CNTN5: variants seen among roughly 807,000 people sequenced by gnomAD.
CNTN5 encodes the protein contactin 5.
CNTN5 carries 77 observed loss-of-function variants against 129.1 expected under a neutral mutation model. That is an observed-to-expected ratio of 0.60 (90% CI 0.50 to 0.72). The LOEUF (loss-of-function observed/expected upper bound fraction) is 0.72, where lower values mean the gene tolerates loss of function less well. Ranked by LOEUF, CNTN5 falls within the 30% of genes least tolerant of loss-of-function variation. The pLI is 0.00. For missense variants in CNTN5, 1,478 were observed against 1,328.8 expected (o/e 1.11, Z -1.75); for synonymous variants, 509 against 465.6 (o/e 1.09, Z -1.20).
chr11:99,781,237 C>A (rs908683039), intron 3 of CNTN5, among the ~76,000 whole-genome samples: 1 of 151,856 alleles, frequency 6.6e-6, no homozygotes. Context: ...TGTTGCAGTC[C>A]CCACACAAGG....
chr11:99,480,058 G>T (rs78636348), intron 2 of CNTN5, among the ~76,000 whole-genome samples: 2 of 152,122 alleles, frequency 1.3e-5, no homozygotes, highest in African/African-American at 2.4e-5. Context: ...TGGCATTTAA[G>T]GTTGTTGCTA....
At chr11:99,289,391 A>G (rs569802061) in intron 1 of CNTN5, among the ~76,000 whole-genome samples, 9 of 151,942 alleles carry the variant, frequency 5.9e-5, no homozygotes, top group African/African-American at 2.2e-4. Context: ...GTCATCTCAA[A>G]TGGAAGATCA....
chr11:99,290,507 A>G (rs1034065413), intron 1 of CNTN5, among the ~76,000 whole-genome samples: 1 of 151,834 alleles, frequency 6.6e-6, no homozygotes, highest in African/African-American at 2.4e-5. Context: ...GGTAACATAG[A>G]CAGAGGTGGT....
chr11:99,879,028 C>T (rs1009110250), intron 6 of CNTN5, among the ~76,000 whole-genome samples: 1 of 152,012 alleles, frequency 6.6e-6, no homozygotes, highest in South Asian at 2.1e-4. Context: ...ACCTCTGCCT[C>T]CCGGGTCCAG....
intron 2 of CNTN5, among the ~76,000 whole-genome samples, chr11:99,385,763 G>C (rs931773981): frequency 2.0e-5 from 3 of 152,104 alleles, no homozygotes; most frequent in Admixed American, 6.6e-5. Context: ...TTAGCTCAAG[G>C]ATGTCGTCAG....
chr11:100,269,774 C>A (rs1950373932), intron 17 of CNTN5, among the ~76,000 whole-genome samples: 1 of 152,106 alleles, frequency 6.6e-6, no homozygotes, highest in African/African-American at 2.4e-5. Flanking sequence ...AAGGGCTGAG[C>A]ATGGTCCAGA....
chr11:99,502,284 A>C (rs2135385508), intron 2 of CNTN5, among the ~76,000 whole-genome samples: 1 of 152,230 alleles, frequency 6.6e-6, no homozygotes, highest in South Asian at 2.1e-4. Flanking sequence ...TATTTCAAAT[A>C]TTGCTATTTT....
intron 2 of CNTN5, among the ~76,000 whole-genome samples, chr11:99,345,194 A>G (rs1937751679): frequency 6.6e-6 from 1 of 152,344 alleles, no homozygotes; most frequent in African/African-American, 2.4e-5. Flanking sequence ...TTTAAAATAA[A>G]ACATACACTC....
intron 13 of CNTN5, among the ~76,000 whole-genome samples, chr11:100,088,743 A>G (rs529853447): frequency 6.6e-6 from 1 of 152,208 alleles, no homozygotes; most frequent in African/African-American, 2.4e-5. Context: ...AATCAGTAAT[A>G]AAAACCTACC....
chr11:100,299,145 A>T lies in CNTN5; in HGVS notation c.2386-17A>T. The T allele has an allele frequency of 6.8e-7, 1 of 1,466,296 alleles. No individual in the cohort carries two copies. The highest frequency in any genetic ancestry group is 9.3e-7 in the Non-Finnish European group (1 of 1,075,822). The allele number at this position is 1,466,296 out of a possible 1,614,324, so 90.8% of individuals were successfully genotyped here. On this transcript the variant is annotated splice_polypyrimidine_tract_variant and intron_variant, in intron 19 of 24. Coordinates refer to ENST00000524871, the MANE Select transcript of CNTN5 (RefSeq NM_014361.4). ...TCAATCATTTTGCTGATAATTAATT[A>T]TATTTTTCTTCTTTAGCCAGTATCT...
chr11:99,109,388 A>T (rs1006490527), intron 1 of CNTN5, among the ~76,000 whole-genome samples: 7 of 152,070 alleles, frequency 4.6e-5, no homozygotes, highest in Non-Finnish European at 1.0e-4. Context: ...ATTTTTTCAT[A>T]TGGTGCTTAC....
intron 3 of CNTN5, among the ~76,000 whole-genome samples, chr11:99,720,867 A>G (rs911210985): frequency 3.9e-5 from 6 of 152,138 alleles, no homozygotes; most frequent in Non-Finnish European, 7.4e-5. Flanking sequence ...AAGGCAAACC[A>G]AAGGGCATAT....
intron 20 of CNTN5, among the ~76,000 whole-genome samples, chr11:100,303,448 T>C (rs554444051): frequency 6.6e-6 from 1 of 151,770 alleles, no homozygotes; most frequent in South Asian, 2.1e-4. Context: ...CACTTAGTTC[T>C]TCTCACCATA....
At chr11:100,064,529 T>G (rs988024033) in intron 10 of CNTN5, among the ~76,000 whole-genome samples, 1 of 152,062 alleles carries the variant, frequency 6.6e-6, no homozygotes, top group Admixed American at 6.6e-5. Context: ...AAAAAAGAAA[T>G]AAAACTTGGA....
intron 13 of CNTN5, among the ~76,000 whole-genome samples, chr11:100,081,811 C>T (rs1046782524): frequency 2.6e-5 from 4 of 152,170 alleles, no homozygotes; most frequent in African/African-American, 4.8e-5. Flanking sequence ...CATCTCACCT[C>T]AGTCCAGTTG....
intron 13 of CNTN5, among the ~76,000 whole-genome samples, chr11:100,129,319 C>G (rs993108186): frequency 9.2e-5 from 14 of 152,218 alleles, no homozygotes; most frequent in Middle Eastern, 6.8e-3. Context: ...AACTTTCAAG[C>G]TGGGTTTTCA....
intron 2 of CNTN5, among the ~76,000 whole-genome samples, chr11:99,456,836 G>T (rs1944513599): frequency 1.3e-5 from 2 of 151,912 alleles, no homozygotes; most frequent in Admixed American, 1.3e-4. Flanking sequence ...AAAGTTGCAA[G>T]AACTAAATTT....
At chr11:99,781,774 C>A (rs891471714) in intron 3 of CNTN5, among the ~76,000 whole-genome samples, 8 of 152,106 alleles carry the variant, frequency 5.3e-5, no homozygotes, top group Non-Finnish European at 1.0e-4. Flanking sequence ...CAAAATTCAA[C>A]AACCCTTCAT....
intron 16 of CNTN5, among the ~76,000 whole-genome samples, chr11:100,238,938 C>T (rs764140404): frequency 4.6e-5 from 7 of 152,170 alleles, no homozygotes; most frequent in African/African-American, 9.7e-5. Context: ...ACCTCTCCTT[C>T]CTCAGGCATT....
Sources: gnomAD v4.1 joint callset for allele counts (sites outside exome capture counted in the v4.1 genomes callset) on GRCh38, gnomAD v4.1.1 for gene constraint, MANE v1.5 for transcripts, NCBI Gene and HGNC (gene_info 2026-07-23, HGNC 2026-07-21) for gene names.